Variants in CSMD1 observed in about 807,000 individuals in gnomAD.
CSMD1 encodes CUB and sushi domain-containing protein 1.
A neutral mutation model predicts 417.5 loss-of-function variants in CSMD1; 213 were observed. That is an observed-to-expected ratio of 0.51 (90% confidence interval 0.46 to 0.57). The LOEUF is 0.57. CSMD1 is among the 20% of genes least tolerant of loss of function. CSMD1 has a pLI of 0.00. For missense variants in CSMD1, 6,923 were observed against 4,529.7 expected, an observed-to-expected ratio of 1.53 and a Z score of -15.17; for synonymous variants, 2,862 against 1,736.8, an observed-to-expected ratio of 1.65 and a Z score of -16.11.
chr8:3,148,533 C>G (rs557742114), intron 40 of CSMD1, among the ~76,000 whole-genome samples: 1 of 152,300 alleles, frequency 6.6e-6, no homozygotes, highest in African/African-American at 2.4e-5. Flanking sequence ...CTTTAAAACT[C>G]ATGTGCATAG....
intron 5 of CSMD1, among the ~76,000 whole-genome samples, chr8:3,760,766 A>G (rs960953939): frequency 1.3e-5 from 2 of 152,182 alleles, no homozygotes; most frequent in South Asian, 2.1e-4. Context: ...CATCAGAGAA[A>G]TGTCTGGGGG....
intron 2 of CSMD1, among the ~76,000 whole-genome samples, chr8:4,614,302 C>CA (rs776653230): frequency 2.3e-4 from 35 of 152,092 alleles, no homozygotes; most frequent in Non-Finnish European, 4.4e-4. Flanking sequence ...ACACAAAGGC[C>CA]AAAACTCTGT....
intron 49 of CSMD1, among the ~76,000 whole-genome samples, chr8:3,063,065 C>G (rs1793375275): frequency 1.3e-5 from 2 of 152,046 alleles, no homozygotes. Context: ...CCTATGGAAC[C>G]CAAGAGTCCC....
rs9314500 is a variant in CSMD1 at position 3,556,552 on chromosome 8, C to CCTCTCT, written c.1344+18387_1344+18392dup. 9.7e-4 allele frequency among the ~76,000 whole-genome samples: 135 copies of CCTCTCT among 139,812 alleles called. 1 individual carries two copies. Among genetic ancestry groups the CCTCTCT allele is most frequent in the African/African-American group, 3.4e-3 (123 of 36,638 alleles). 91.7% of individuals were successfully genotyped at this position (139,812 alleles called of 152,430 possible). ...CACACACACACACACACACACACAC[C>CCTCTCT]CTCTCTCTCTTTCAGAAATGGAAAA... On this transcript the variant is annotated intron_variant, in intron 10 of 69. Transcript: ENST00000635120.
At chr8:3,981,923 G>T (rs185734442) in intron 5 of CSMD1, among the ~76,000 whole-genome samples, 1 of 152,050 alleles carries the variant, frequency 6.6e-6, no homozygotes, top group Non-Finnish European at 1.5e-5. Context: ...TGTAATCCCG[G>T]CACTTTGGGA....
chr8:4,163,371 T>C (rs888180883), intron 3 of CSMD1, among the ~76,000 whole-genome samples: 5 of 152,210 alleles, frequency 3.3e-5, no homozygotes, highest in African/African-American at 4.8e-5. Flanking sequence ...AGAGTTATTT[T>C]ACTCCATATC....
At chr8:3,676,636 A>T (rs975446590) in intron 7 of CSMD1, among the ~76,000 whole-genome samples, 8 of 152,166 alleles carry the variant, frequency 5.3e-5, no homozygotes, top group African/African-American at 1.9e-4. Flanking sequence ...GTGTTGTGGG[A>T]CCACGCACAC....
intron 12 of CSMD1, among the ~76,000 whole-genome samples, chr8:3,419,916 C>T (rs945631629): frequency 6.6e-6 from 1 of 152,150 alleles, no homozygotes; most frequent in African/African-American, 2.4e-5. Flanking sequence ...ATCTCAGCAA[C>T]ATCAATTATC....
In CSMD1 at chr8:4,637,562, G is replaced by A. The variant is rs1481696407; in HGVS notation, c.86-4C>T. 1.3e-6 allele frequency: 2 copies of A among 1,595,266 alleles called. No individual in the cohort carries two copies. Among genetic ancestry groups the A allele is most frequent in the Non-Finnish European group, 1.7e-6 (2 of 1,167,192 alleles). The stretch of plus-strand genomic sequence containing the variant: ...ACTAAGCCTCCACAGTTCTGACCTG[G>A]AAGAGAAAACACACACAAAAAAGCA... On this transcript the variant is annotated splice_region_variant and splice_polypyrimidine_tract_variant and intron_variant, in intron 1 of 69. Transcript: ENST00000635120.
At chr8:4,449,661 C>T (rs1480741318) in intron 2 of CSMD1, among the ~76,000 whole-genome samples, 1 of 152,078 alleles carries the variant, frequency 6.6e-6, no homozygotes, top group African/African-American at 2.4e-5. Context: ...TGAACATAAT[C>T]AGCCTGAGAG....
intron 2 of CSMD1, among the ~76,000 whole-genome samples, chr8:4,434,133 T>A (rs1466519414): frequency 6.6e-6 from 1 of 152,086 alleles, no homozygotes; most frequent in Non-Finnish European, 1.5e-5. Flanking sequence ...AGGTCAGGAG[T>A]TTGAGAACAG....
chr8:4,598,361 C>T (rs537301876), intron 2 of CSMD1, among the ~76,000 whole-genome samples: 3 of 152,280 alleles, frequency 2.0e-5, no homozygotes, highest in Non-Finnish European at 4.4e-5. Flanking sequence ...AGGTTAGGGG[C>T]TGGTGCCTAG....
At chr8:4,023,958 G>C (rs886100406) in intron 4 of CSMD1, among the ~76,000 whole-genome samples, 2 of 151,610 alleles carry the variant, frequency 1.3e-5, no homozygotes, top group Non-Finnish European at 2.9e-5. Context: ...GATACATTAA[G>C]AGCGACTTCA....
chr8:3,351,359 C>G (rs943609157), intron 21 of CSMD1, among the ~76,000 whole-genome samples: 2 of 151,898 alleles, frequency 1.3e-5, no homozygotes, highest in Admixed American at 6.6e-5. Flanking sequence ...GCCTGTAATC[C>G]CAGCACTTTC....
chr8:4,340,766 C>G (rs1800429479), intron 3 of CSMD1, among the ~76,000 whole-genome samples: 1 of 152,096 alleles, frequency 6.6e-6, no homozygotes, highest in African/African-American at 2.4e-5. Context: ...GCAAAACTGT[C>G]AAGCAAACTC....
intron 41 of CSMD1, among the ~76,000 whole-genome samples, chr8:3,139,905 C>CTT (rs56391105): frequency 7.9e-6 from 1 of 127,126 alleles, no homozygotes; most frequent in Non-Finnish European, 1.7e-5. Flanking sequence ...TTCTTTCTTT[C>CTT]TTTTTTTTTT....
At chr8:4,561,515 T>C (rs893691587) in intron 2 of CSMD1, among the ~76,000 whole-genome samples, 1 of 152,150 alleles carries the variant, frequency 6.6e-6, no homozygotes, top group African/African-American at 2.4e-5. Flanking sequence ...AAACCCTGTC[T>C]CTACCAAAAC....
intron 8 of CSMD1, among the ~76,000 whole-genome samples, chr8:3,599,608 C>G (rs1801263552): frequency 6.6e-6 from 1 of 152,204 alleles, no homozygotes; most frequent in South Asian, 2.1e-4. Flanking sequence ...GTTAATTAAC[C>G]ACTTCATGCT....
At chr8:4,764,703 C>T (rs1336358320) in intron 1 of CSMD1, among the ~76,000 whole-genome samples, 2 of 149,892 alleles carry the variant, frequency 1.3e-5, no homozygotes, top group Admixed American at 6.6e-5. Flanking sequence ...AAAAACCCAT[C>T]TCTACTAAAA....
Sources: gnomAD v4.1 joint callset for allele counts (sites outside exome capture counted in the v4.1 genomes callset) on GRCh38, gnomAD v4.1.1 for gene constraint, MANE v1.5 for transcripts, NCBI Gene and HGNC (gene_info 2026-07-23, HGNC 2026-07-21) for gene names.